Variants in ERH observed in about 807,000 individuals in gnomAD.
The protein encoded by ERH is enhancer of rudimentary homolog.
Under a neutral mutation model 16.8 loss-of-function variants are expected in ERH, and 1 was observed. That is an observed-to-expected ratio of 0.06 (90% confidence interval 0.02 to 0.28). The LOEUF (loss-of-function observed/expected upper bound fraction) is 0.28, where lower values mean the gene tolerates loss of function less well. ERH is among the 10% of genes least tolerant of loss of function. ERH has a pLI of 1.00. For synonymous variants in ERH, 43 were observed against 43.6 expected (o/e 0.99, Z 0.05); for missense variants, 42 against 127.5 (o/e 0.33, Z 3.23).
intron 3 of ERH, among the ~76,000 whole-genome samples, chr14:69,385,373 C>T (rs2045885167): frequency 6.6e-6 from 1 of 152,136 alleles, no homozygotes; most frequent in Non-Finnish European, 1.5e-5. Flanking sequence ...ACCTGTAACA[C>T]CTGTTTCAAA....
intron 1 of ERH, among the ~76,000 whole-genome samples, chr14:69,397,105 G>A (rs1882358868): frequency 6.6e-6 from 1 of 152,086 alleles, no homozygotes; most frequent in African/African-American, 2.4e-5. Flanking sequence ...AATGAACACC[G>A]GGCAAAGTTT....
chr14:69,394,937 T>A, intron 1 of ERH, 25 bp from the exon 2 acceptor site: 1 of 1,491,536 alleles, frequency 6.7e-7, no homozygotes, highest in Non-Finnish European at 9.3e-7. Context: ...ATGATTTCAA[T>A]ATAAGTTTCT....
At chr14:69,385,145 T>C (rs778217456) in intron 3 of ERH, among the ~76,000 whole-genome samples, 9 of 152,172 alleles carry the variant, frequency 5.9e-5, no homozygotes, top group Non-Finnish European at 1.3e-4. Context: ...TCCTCATATA[T>C]GCCCTCAACC....
At chr14:69,396,976 C>T (rs575524040) in intron 1 of ERH, among the ~76,000 whole-genome samples, 1 of 152,298 alleles carries the variant, frequency 6.6e-6, no homozygotes, top group South Asian at 2.1e-4. Context: ...TATACACTAG[C>T]TATCTCAACT....
At chr14:69,394,655 T>TA in intron 2 of ERH, among the ~76,000 whole-genome samples, 170 bp downstream of exon 2, 1 of 152,290 alleles carries the variant, frequency 6.6e-6, no homozygotes, top group African/African-American at 2.4e-5. Flanking sequence ...TGGTCCATCC[T>TA]AAATATCTGC....
rs567655941 is a variant in ERH, at chr14:69,389,068, T to C, written c.92-1985A>G. On this transcript the variant is annotated intron_variant, in intron 2 of 3. Coordinates refer to ENST00000557016, the MANE Select transcript of ERH (RefSeq NM_004450.3). ...GATTTTTTGCTCTTGTTGCCCAGGC[T>C]GGAGTGCATTGGCACAATCTCGGCT... 3.1e-3 allele frequency among the ~76,000 whole-genome samples: 477 copies of C among 152,306 alleles called. 4 individuals carry two copies. Among genetic ancestry groups the C allele is most frequent in the African/African-American group, 0.011 (463 of 41,556 alleles).
At chr14:69,382,789 C>CAAAAAAAA (rs1278831093) in intron 3 of ERH, among the ~76,000 whole-genome samples, 1 of 103,134 alleles carries the variant, frequency 9.7e-6, no homozygotes, top group African/African-American at 3.7e-5. Context: ...ACTCTATCTC[C>CAAAAAAAA]AAAAGAAAAA....
Position 69,398,264 on chromosome 14 carries a change from C to G in ERH, c.-31G>C, listed in dbSNP as rs746094511. ...CAAACTCTCTTCGCTACAGCAGCTG[C>G]CGACACCGCCGCCGTTACACGAGCT... On this transcript the variant is annotated 5_prime_UTR_variant, in exon 1 of 4. Transcript: ENST00000557016. 6.2e-7 allele frequency: 1 copy of G among 1,612,946 alleles called. No homozygotes were observed. Among genetic ancestry groups the G allele is most frequent in the East Asian group, 2.2e-5 (1 of 44,848 alleles).
In ERH at chr14:69,380,344, AAG is replaced by A. The variant is rs900175631; in HGVS notation, c.*192_*193del. 5 of 424,200 alleles carry A rather than the reference AAG, an allele frequency of 1.2e-5. No individual in the cohort carries two copies. The highest frequency in any genetic ancestry group is 4.1e-5 in the African/African-American group (2 of 49,268). 26.3% of individuals were successfully genotyped at this position (424,200 alleles called of 1,614,324 possible). On this transcript the variant is annotated 3_prime_UTR_variant, in exon 4 of 4. Coordinates refer to ENST00000557016, the MANE Select transcript of ERH (RefSeq NM_004450.3). ...ATGTTTAAGTAAAAAAAAAAAAAGA[AAG>A]AGAAAGAAAAAGAGGAGGTAACGGG... is the stretch of plus-strand genomic sequence containing the variant.
Position 69,380,416 on chromosome 14 carries a change from A to C in ERH, c.*122T>G. The C allele has an allele frequency of 1.9e-6, 1 of 528,730 alleles. No individual in the cohort carries two copies. The highest frequency in any genetic ancestry group is 3.5e-6 in the Non-Finnish European group (1 of 289,482). 32.8% of individuals were successfully genotyped at this position (528,730 alleles called of 1,614,324 possible). A position where few individuals can be genotyped will look rare whatever the true frequency, so the allele number is the denominator to read the frequency against. On this transcript the variant is annotated 3_prime_UTR_variant, in exon 4 of 4. Coordinates refer to ENST00000557016, the MANE Select transcript of ERH (RefSeq NM_004450.3). The stretch of plus-strand genomic sequence containing the variant: ...TCCTCACATTTCATCTAATACAGTC[A>C]ATCTTGGCTAGAGTATAACAAAGTG...
intron 2 of ERH, among the ~76,000 whole-genome samples, chr14:69,387,840 A>C (rs961734861): frequency 3.3e-5 from 5 of 152,086 alleles, no homozygotes; most frequent in Non-Finnish European, 5.9e-5. Context: ...GTCAGGAGAT[A>C]GAGACCATCC....
chr14:69,390,583 G>GA (rs1373218799), intron 2 of ERH, among the ~76,000 whole-genome samples: 2 of 151,982 alleles, frequency 1.3e-5, no homozygotes, highest in African/African-American at 2.4e-5. Flanking sequence ...AAGACCCATA[G>GA]AAAAAAATAA....
chr14:69,397,683 C>A (rs1263574930), intron 1 of ERH, among the ~76,000 whole-genome samples: 2 of 152,162 alleles, frequency 1.3e-5, no homozygotes, highest in Non-Finnish European at 2.9e-5. Flanking sequence ...CTTTGGGATG[C>A]CGAGGCGGGT....
intron 3 of ERH, among the ~76,000 whole-genome samples, chr14:69,383,883 C>T (rs2045877165): frequency 6.6e-6 from 1 of 152,148 alleles, no homozygotes; most frequent in Non-Finnish European, 1.5e-5. Context: ...CACAGTTGCT[C>T]ATGCCTGTAA....
chr14:69,394,133 A>T (rs1882281628), intron 2 of ERH, among the ~76,000 whole-genome samples: 2 of 152,116 alleles, frequency 1.3e-5, no homozygotes. Flanking sequence ...ACAGACAGAC[A>T]CACAAGCCTA....
intron 3 of ERH, among the ~76,000 whole-genome samples, chr14:69,381,016 C>T (rs2045860348): frequency 6.6e-6 from 1 of 152,220 alleles, no homozygotes; most frequent in Non-Finnish European, 1.5e-5. Context: ...GGTGCAGTGG[C>T]TCATGCCTGT....
At chr14:69,391,856 C>T (rs1019001385) in intron 2 of ERH, among the ~76,000 whole-genome samples, 29 of 151,850 alleles carry the variant, frequency 1.9e-4, no homozygotes, top group Non-Finnish European at 2.9e-5. Flanking sequence ...TGAAACTACT[C>T]TGTATGATAC....
chr14:69,382,710 G>A (rs1001442954), intron 3 of ERH, among the ~76,000 whole-genome samples: 9 of 149,686 alleles, frequency 6.0e-5, no homozygotes, highest in Admixed American at 2.0e-4. Flanking sequence ...GTGGTGGCGC[G>A]CACCTGTAGT....
At chr14:69,398,137 G>T in intron 1 of ERH, 94 bp downstream of exon 1, 1 of 1,430,426 alleles carries the variant, frequency 7.0e-7, no homozygotes. Flanking sequence ...ACGCGGCGCT[G>T]CATGGGGCTC....
Sources: allele counts gnomAD v4.1 joint callset (sites outside exome capture counted in the v4.1 genomes callset), GRCh38; gene constraint gnomAD v4.1.1; transcripts MANE v1.5; gene names NCBI Gene and HGNC (gene_info 2026-07-23, HGNC 2026-07-21).